ANKH: variants seen among roughly 807,000 people sequenced by gnomAD.
The protein encoded by ANKH is ANKH inorganic pyrophosphate transport regulator, also known as mineralization regulator ANKH.
Under a neutral mutation model 49.0 loss-of-function variants are expected in ANKH, and 15 were observed. That is an observed-to-expected ratio of 0.31 (90% CI 0.20 to 0.47). The LOEUF is 0.47. ANKH is among the 20% of genes least tolerant of loss of function. ANKH has a pLI of 1.00. For synonymous variants in ANKH, 273 were observed against 260.0 expected (o/e 1.05, Z -0.48); for missense variants, 429 against 652.0 (o/e 0.66, Z 3.72).
intron 7 of ANKH, among the ~76,000 whole-genome samples, chr5:14,743,336 T>C (rs1738423646): frequency 1.3e-5 from 2 of 152,182 alleles, no homozygotes; most frequent in Non-Finnish European, 2.9e-5. Flanking sequence ...AAAACACACA[T>C]ACTGCCATGG....
At chr5:14,821,449 C>T (rs1348360241) in intron 1 of ANKH, among the ~76,000 whole-genome samples, 1 of 152,138 alleles carries the variant, frequency 6.6e-6, no homozygotes, top group Non-Finnish European at 1.5e-5. Flanking sequence ...TATTCCAGAT[C>T]GGAGGGAGGA....
intron 5 of ANKH, among the ~76,000 whole-genome samples, chr5:14,750,725 G>A (rs971814727): frequency 3.9e-5 from 6 of 152,154 alleles, no homozygotes; most frequent in African/African-American, 1.4e-4. Context: ...AAACTCAAAG[G>A]TATCGTGGGT....
At chr5:14,780,492 G>A (rs980292409) in intron 1 of ANKH, among the ~76,000 whole-genome samples, 8 of 152,116 alleles carry the variant, frequency 5.3e-5, no homozygotes, top group African/African-American at 1.7e-4. Context: ...GCAGTGAGCT[G>A]AGATTGTGCC....
chr5:14,735,439 T>C (rs989541730), intron 8 of ANKH, among the ~76,000 whole-genome samples: 1 of 152,222 alleles, frequency 6.6e-6, no homozygotes, highest in African/African-American at 2.4e-5. Flanking sequence ...GAAGTCTGGT[T>C]CATCAATCCA....
intron 1 of ANKH, among the ~76,000 whole-genome samples, chr5:14,774,905 G>A (rs1248636558): frequency 6.6e-6 from 1 of 151,780 alleles, no homozygotes; most frequent in Non-Finnish European, 1.5e-5. Context: ...AACATTTACT[G>A]TGATATGTAC....
At chr5:14,870,448 AAGAC>A (rs949489210) in intron 1 of ANKH, 6 of 152,202 alleles carry the variant, frequency 3.9e-5, no homozygotes, top group South Asian at 2.1e-4. Context: ...GGAAAGAAGA[AAGAC>A]AGTACCACAA....
At chr5:14,840,243 T>C (rs541421097) in intron 1 of ANKH, among the ~76,000 whole-genome samples, 3 of 152,316 alleles carry the variant, frequency 2.0e-5, no homozygotes, top group African/African-American at 7.2e-5. Context: ...GGAATTTCCA[T>C]AGCACTTTTT....
intron 1 of ANKH, among the ~76,000 whole-genome samples, chr5:14,796,071 G>A (rs1024442821): frequency 2.6e-5 from 4 of 151,884 alleles, no homozygotes; most frequent in Non-Finnish European, 4.4e-5. Context: ...TTTTCGACGT[G>A]ATATTTTTAC....
At chr5:14,844,543 T>G (rs188972218) in intron 1 of ANKH, among the ~76,000 whole-genome samples, 19 of 152,334 alleles carry the variant, frequency 1.2e-4, no homozygotes, top group African/African-American at 4.6e-4. Flanking sequence ...ATTCAGATTT[T>G]TATTAGGGTG....
chr5:14,755,589 C>T (rs1561040171), intron 4 of ANKH, among the ~76,000 whole-genome samples: 1 of 152,180 alleles, frequency 6.6e-6, no homozygotes, highest in Non-Finnish European at 1.5e-5. Context: ...TGTGCATGCT[C>T]TTTAAAAATA....
chr5:14,750,919 C>T, intron 5 of ANKH, 150 bp downstream of exon 5: 2 of 893,696 alleles, frequency 2.2e-6, no homozygotes, highest in Non-Finnish European at 3.6e-6. Context: ...CTGTCTTTCC[C>T]TGCAGACATC....
chr5:14,728,928 C>T (rs1425774982), intron 8 of ANKH, among the ~76,000 whole-genome samples: 1 of 152,214 alleles, frequency 6.6e-6, no homozygotes, highest in Non-Finnish European at 1.5e-5. Context: ...AGGAGCAGCA[C>T]AAGCTCACCA....
At chr5:14,803,218 A>G (rs940603411) in intron 1 of ANKH, among the ~76,000 whole-genome samples, 1 of 152,228 alleles carries the variant, frequency 6.6e-6, no homozygotes, top group Admixed American at 6.5e-5. Flanking sequence ...TTCCTTAGAT[A>G]TGGGCTGAAG....
Position 14,737,531 on chromosome 5 carries a change from G to A in ANKH, c.1011+4296C>T, listed in dbSNP as rs1738225120. ...GTGTTCTACAGCCAGTCACATGAGC[G>A]ACAGAGACCGCAGCTGTCCAGGAAG... On this transcript the variant is annotated intron_variant, in intron 8 of 11. Coordinates refer to ENST00000284268, the MANE Select transcript of ANKH (RefSeq NM_054027.6). The surrounding 1 kb of genome is among the most constrained non-coding windows in gnomAD (Gnocchi z 5.0). Among the ~76,000 whole-genome samples the A allele has an allele frequency of 6.6e-6, 1 of 152,188 alleles. No individual in the cohort carries two copies. The highest frequency in any genetic ancestry group is 1.5e-5 in the Non-Finnish European group (1 of 68,034).
intron 1 of ANKH, among the ~76,000 whole-genome samples, chr5:14,780,580 G>C (rs1481950925): frequency 6.6e-6 from 1 of 152,164 alleles, no homozygotes; most frequent in African/African-American, 2.4e-5. Context: ...TTCTCATATG[G>C]AAACAGCTTT....
chr5:14,716,941 C>G, intron 8 of ANKH, 106 bp from the exon 9 acceptor site: 1 of 1,448,818 alleles, frequency 6.9e-7, no homozygotes, highest in Non-Finnish European at 9.5e-7. Context: ...AGAGGGACAA[C>G]CGGCCTGACT....
At position 14,745,744 on chromosome 5, in the gene ANKH, G is replaced by A. The variant is rs1302372361; in HGVS notation, c.915+126C>T. ...AAAATATTCCTTCAATGCCCCCAAC[G>A]TCACATTAACCTTACAAAGGGAAGC... On this transcript the variant is annotated intron_variant, in intron 7 of 11. Coordinates refer to ENST00000284268, the MANE Select transcript of ANKH (RefSeq NM_054027.6). The surrounding 1 kb of genome is among the most constrained non-coding windows in gnomAD (Gnocchi z 4.7). 17 of 828,140 alleles carry A rather than the reference G, an allele frequency of 2.1e-5. No individual in the cohort carries two copies. The highest frequency in any genetic ancestry group is 2.9e-5 in the Non-Finnish European group (14 of 487,752). The allele number at this position is 828,140 out of a possible 1,614,324, so 51.3% of individuals were successfully genotyped here.
chr5:14,719,036 G>A (rs900468778), intron 8 of ANKH, among the ~76,000 whole-genome samples: 23 of 152,258 alleles, frequency 1.5e-4, no homozygotes, highest in African/African-American at 4.1e-4. Flanking sequence ...GACAGCGGAC[G>A]TCTCAGACTG....
intron 1 of ANKH, among the ~76,000 whole-genome samples, chr5:14,783,123 C>G (rs25957): frequency 0.77 from 117,160 of 151,994 alleles, 45,241 homozygotes; most frequent in South Asian, 0.86. Context: ...CACTTGATCT[C>G]GTTGTTTTTA....
Sources: allele counts gnomAD v4.1 joint callset (sites outside exome capture counted in the v4.1 genomes callset), GRCh38; gene constraint gnomAD v4.1.1; non-coding constraint Gnocchi (gnomAD v3.1); transcripts MANE v1.5; gene names NCBI Gene and HGNC (gene_info 2026-07-23, HGNC 2026-07-21).